NDST3: variants seen among roughly 807,000 people sequenced by gnomAD.
NDST3 encodes bifunctional heparan sulfate N-deacetylase/N-sulfotransferase 3.
In NDST3, 58 loss-of-function variants were observed where a neutral mutation model predicts 96.1. That is an observed-to-expected ratio of 0.60 (90% CI 0.49 to 0.75). The LOEUF (loss-of-function observed/expected upper bound fraction) is 0.75. NDST3 is among the 30% of genes least tolerant of loss of function. NDST3 has a pLI of 0.00. For synonymous variants in NDST3, 333 were observed against 359.7 expected (o/e 0.93, Z 0.84); for missense variants, 788 against 1,034.2 (o/e 0.76, Z 3.27).
intron 6 of NDST3, among the ~76,000 whole-genome samples, chr4:118,157,099 T>C (rs28507472): frequency 0.028 from 4,234 of 152,212 alleles, 216 homozygotes; most frequent in African/African-American, 0.096. Flanking sequence ...AAAAAATCTG[T>C]GGTATAGCCA....
At chr4:118,204,803 T>A (rs748365306) in intron 6 of NDST3, among the ~76,000 whole-genome samples, 2 of 144,638 alleles carry the variant, frequency 1.4e-5, no homozygotes, top group African/African-American at 2.6e-5. Flanking sequence ...AAAGTGGTTA[T>A]TAAATAATAT....
intron 2 of NDST3, among the ~76,000 whole-genome samples, chr4:118,079,935 C>T (rs969667373): frequency 4.6e-5 from 7 of 151,952 alleles, no homozygotes; most frequent in African/African-American, 1.4e-4. Flanking sequence ...AGGATACCTC[C>T]TAGGATTTTG....
At chr4:118,153,984 G>A (rs1734575974) in intron 6 of NDST3, among the ~76,000 whole-genome samples, 1 of 152,042 alleles carries the variant, frequency 6.6e-6, no homozygotes, top group Admixed American at 6.6e-5. Flanking sequence ...AATTGAAGAT[G>A]ATTTCCATTA....
At chr4:118,215,888 G>A (rs1739163665) in intron 6 of NDST3, among the ~76,000 whole-genome samples, 2 of 152,022 alleles carry the variant, frequency 1.3e-5, no homozygotes, top group Admixed American at 1.3e-4. Context: ...TAGGGAGAGT[G>A]GAAACTGAAC....
chr4:118,146,984 C>A (rs1006312109), intron 6 of NDST3, among the ~76,000 whole-genome samples: 4 of 152,208 alleles, frequency 2.6e-5, no homozygotes, highest in African/African-American at 9.6e-5. Context: ...GGAACTTGTA[C>A]TCTCTGGGAC....
At chr4:118,222,873 A>C (rs2125993512) in intron 6 of NDST3, among the ~76,000 whole-genome samples, 1 of 152,140 alleles carries the variant, frequency 6.6e-6, no homozygotes, top group South Asian at 2.1e-4. Flanking sequence ...GAGGTTAAAA[A>C]GTGAATTCAA....
chr4:118,039,305 G>A (rs1384887588), intron 1 of NDST3, among the ~76,000 whole-genome samples: 1 of 152,172 alleles, frequency 6.6e-6, no homozygotes, highest in Non-Finnish European at 1.5e-5. Context: ...ACTGTTTGAG[G>A]CCAGTGTGAC....
Position 118,255,826 on chromosome 4 carries a change from A to G in NDST3, c.*114A>G, listed in dbSNP as rs531483132. The G allele has an allele frequency of 4.8e-6, 6 of 1,242,060 alleles. No homozygotes were observed. In the East Asian group the frequency reaches 1.5e-4, roughly 32 times the overall value. The allele number at this position is 1,242,060 out of a possible 1,614,324, so 76.9% of individuals were successfully genotyped here. A position where few individuals can be genotyped will look rare whatever the true frequency, so the allele number is the denominator to read the frequency against. On this transcript the variant is annotated 3_prime_UTR_variant, in exon 14 of 14. Transcript: ENST00000296499. ...ATACCTCTTCAAATGAGAAAAAAGA[A>G]CAGTTTCTTCCATGTGCTGGCACGT... is the stretch of plus-strand genomic sequence containing the variant.
chr4:118,213,530 G>A (rs999430480), intron 6 of NDST3, among the ~76,000 whole-genome samples: 3 of 151,522 alleles, frequency 2.0e-5, no homozygotes, highest in Non-Finnish European at 4.4e-5. Flanking sequence ...AACTGACTAA[G>A]GACATTGTGA....
chr4:118,169,799 A>AG (rs888140438), intron 6 of NDST3, among the ~76,000 whole-genome samples: 8 of 150,970 alleles, frequency 5.3e-5, no homozygotes, highest in African/African-American at 1.7e-4. Flanking sequence ...ATCTCAAAAA[A>AG]AAAAAAAAAA....
intron 5 of NDST3, among the ~76,000 whole-genome samples, chr4:118,141,460 C>G (rs1733567759): frequency 6.6e-6 from 1 of 152,128 alleles, no homozygotes; most frequent in Admixed American, 6.5e-5. Context: ...GGGTTCATAC[C>G]CTCAGCAGGA....
At chr4:118,251,222 G>C (rs1162983236) in intron 12 of NDST3, among the ~76,000 whole-genome samples, 3 of 149,512 alleles carry the variant, frequency 2.0e-5, no homozygotes, top group Non-Finnish European at 3.0e-5. Context: ...CGCCTCCCGG[G>C]TTCACGCCAT....
rs917032518 is a variant in NDST3 at position 118,041,043 on chromosome 4, C to T, written c.-156+6451C>T. Reference sequence around the variant, plus strand: ...GATTATAGGGGTGAGCCCCTGCACCCGGCCTCTAAGAGCTTTAACCCTCAT... The same window carrying T: ...GATTATAGGGGTGAGCCCCTGCACCTGGCCTCTAAGAGCTTTAACCCTCAT... On this transcript the variant is annotated intron_variant, in intron 1 of 13. Coordinates refer to ENST00000296499, the MANE Select transcript of NDST3 (RefSeq NM_004784.3). Among the ~76,000 whole-genome samples the T allele has an allele frequency of 4.6e-5, 7 of 151,892 alleles. No individual in the cohort carries two copies. The South Asian group carries it at 6.2e-4, about 14-fold the overall frequency.
At chr4:118,084,905 G>A (rs1287193389) in intron 2 of NDST3, among the ~76,000 whole-genome samples, 1 of 152,136 alleles carries the variant, frequency 6.6e-6, no homozygotes, top group Admixed American at 6.6e-5. Flanking sequence ...TGGATCATGA[G>A]GTCACGAGAT....
intron 4 of NDST3, among the ~76,000 whole-genome samples, chr4:118,116,730 C>T (rs565640830): frequency 3.3e-5 from 5 of 151,954 alleles, no homozygotes; most frequent in South Asian, 2.1e-4. Context: ...TGGTGGCGGG[C>T]GCCTGTAGTC....
At chr4:118,098,858 T>C (rs1182961679) in intron 2 of NDST3, among the ~76,000 whole-genome samples, 2 of 152,116 alleles carry the variant, frequency 1.3e-5, no homozygotes, top group Non-Finnish European at 2.9e-5. Context: ...TTAGTGCTGA[T>C]TAACTCCAAA....
In NDST3 at chr4:118,053,972, T is replaced by A; in HGVS notation, c.62T>A (p.Phe21Tyr). The A allele has an allele frequency of 6.2e-7, 1 of 1,612,178 alleles. No homozygotes were observed. The highest frequency in any genetic ancestry group is 8.5e-7 in the Non-Finnish European group (1 of 1,178,900). ...FQRTVILLAT[F>Y]CMVSIIISAY... is the part of the protein sequence containing the mutation. Reference sequence around the variant, plus strand: ...AGAACAGTCATTCTGCTTGCCACTTTTTGTATGGTGAGCATTATCATTTCT... The same window carrying A: ...AGAACAGTCATTCTGCTTGCCACTTATTGTATGGTGAGCATTATCATTTCT... The change falls in exon 2 of 14, where the codon TTT (phenylalanine) becomes TAT (tyrosine). Residue 21 changes from phenylalanine to tyrosine, a missense_variant. By Grantham distance (22) the Phe-to-Tyr change is conservative. This residue lies in a region of NDST3 where 234 missense variants were observed against 256.9 expected (regional missense o/e 0.91). Coordinates refer to ENST00000296499, the MANE Select transcript of NDST3 (RefSeq NM_004784.3).
Position 118,156,935 on chromosome 4 carries a change from C to A in NDST3, c.1539+13251C>A, listed in dbSNP as rs114449724. 3.7e-3 allele frequency among the ~76,000 whole-genome samples: 570 copies of A among 152,272 alleles called. 8 individuals are homozygous for A. The highest frequency in any genetic ancestry group is 0.013 in the African/African-American group (547 of 41,564). On this transcript the variant is annotated intron_variant, in intron 6 of 13. Coordinates refer to ENST00000296499, the MANE Select transcript of NDST3 (RefSeq NM_004784.3). ...TTGCTCTTTGCTGCAGAAATTCTAC[C>A]TTTAGGACTCTACCTTAAAGAAGGA...
intron 6 of NDST3, among the ~76,000 whole-genome samples, chr4:118,170,978 T>C (rs1735911557): frequency 6.6e-6 from 1 of 152,140 alleles, no homozygotes; most frequent in South Asian, 2.1e-4. Flanking sequence ...CCTGTGTGAT[T>C]CCCAAAGCTT....
Sources: allele counts gnomAD v4.1 joint callset (sites outside exome capture counted in the v4.1 genomes callset), GRCh38; gene constraint gnomAD v4.1.1; regional missense constraint gnomAD v4.1.1; transcripts MANE v1.5; gene names NCBI Gene and HGNC (gene_info 2026-07-23, HGNC 2026-07-21).